ZNF385B: variants seen among roughly 807,000 people sequenced by gnomAD.
The protein encoded by ZNF385B is zinc finger protein 533.
A neutral mutation model predicts 39.2 loss-of-function variants in ZNF385B; 23 were observed. The ratio of observed to expected loss-of-function variants is 0.59; its 90% CI spans 0.42 to 0.83. The LOEUF (loss-of-function observed/expected upper bound fraction) is 0.83. Ranked by LOEUF, ZNF385B falls within the 40% of genes least tolerant of loss-of-function variation. ZNF385B has a pLI of 0.00. For synonymous variants in ZNF385B, 205 were observed against 222.6 expected, an observed-to-expected ratio of 0.92 and a Z score of 0.70; for missense variants, 552 against 598.9, an observed-to-expected ratio of 0.92 and a Z score of 0.82.
chr2:179,546,989 CA>C (rs1182108668), intron 3 of ZNF385B, among the ~76,000 whole-genome samples: 1 of 149,846 alleles, frequency 6.7e-6, no homozygotes, highest in Non-Finnish European at 1.5e-5. Context: ...AATGATTGAA[CA>C]CATTTTCATA....
chr2:179,533,373 T>A (rs2059374300), intron 4 of ZNF385B, among the ~76,000 whole-genome samples: 1 of 152,226 alleles, frequency 6.6e-6, no homozygotes, highest in African/African-American at 2.4e-5. Flanking sequence ...TATGAATATC[T>A]TAGTCTGTGT....
chr2:179,835,410 T>C (rs191349580), intron 1 of ZNF385B, among the ~76,000 whole-genome samples: 1 of 152,292 alleles, frequency 6.6e-6, no homozygotes, highest in Admixed American at 6.5e-5. Flanking sequence ...GTTCTGGCCT[T>C]AGAACTTTCT....
intron 3 of ZNF385B, among the ~76,000 whole-genome samples, chr2:179,578,504 G>C (rs1686100861): frequency 6.6e-6 from 1 of 152,052 alleles, no homozygotes; most frequent in Non-Finnish European, 1.5e-5. Flanking sequence ...GTCACTCTGA[G>C]ACTATGAGGC....
intron 1 of ZNF385B, among the ~76,000 whole-genome samples, chr2:179,830,855 G>T (rs1707944722): frequency 6.6e-6 from 1 of 151,984 alleles, no homozygotes; most frequent in Non-Finnish European, 1.5e-5. Flanking sequence ...TGCAAACAAG[G>T]GCCTTTAGTT....
chr2:179,725,033 TAA>T (rs901455429), intron 3 of ZNF385B, among the ~76,000 whole-genome samples: 1 of 152,086 alleles, frequency 6.6e-6, no homozygotes, highest in Non-Finnish European at 1.5e-5. Flanking sequence ...ATAATTCACA[TAA>T]AAAATAAGCA....
At chr2:179,824,020 T>C (rs1707545584) in intron 1 of ZNF385B, among the ~76,000 whole-genome samples, 1 of 152,134 alleles carries the variant, frequency 6.6e-6, no homozygotes, top group Non-Finnish European at 1.5e-5. Flanking sequence ...ACCAAGACTA[T>C]CTTCATACCT....
intron 4 of ZNF385B, 139 bp from the exon 5 acceptor site, chr2:179,518,777 C>A (rs571148419): frequency 4.1e-6 from 2 of 483,508 alleles, no homozygotes; most frequent in Admixed American, 4.1e-5. Context: ...TCTCCTTCAA[C>A]AGTAATATAT....
intron 3 of ZNF385B, among the ~76,000 whole-genome samples, chr2:179,672,524 C>T (rs1696161996): frequency 6.6e-6 from 1 of 152,114 alleles, no homozygotes; most frequent in South Asian, 2.1e-4. Context: ...AGGTAGAATG[C>T]TATGGTCTGA....
rs56392185 is a variant in ZNF385B at position 179,521,353 on chromosome 2, G to GTTTTTTTTTTTTTTTTTTTTTT, written c.442-2716_442-2715insAAAAAAAAAAAAAAAAAAAAAA. 9.2e-4 allele frequency among the ~76,000 whole-genome samples: 99 copies of GTTTTTTTTTTTTTTTTTTTTTT among 108,154 alleles called. 3 individuals carry two copies. The highest frequency in any genetic ancestry group is 0.012 in the Middle Eastern group (2 of 166). 71.0% of individuals were successfully genotyped at this position (108,154 alleles called of 152,430 possible). On this transcript the variant is annotated intron_variant, in intron 4 of 9. Transcript: ENST00000410066. ...AGGCACCCACCACCGCACCTGGCCA[G>GTTTTTTTTTTTTTTTTTTTTTT]TTTTTTTTTTTTTTTTTTGTATTTT...
chr2:179,667,954 T>A (rs1339699281), intron 3 of ZNF385B, among the ~76,000 whole-genome samples: 1 of 152,226 alleles, frequency 6.6e-6, no homozygotes, highest in Non-Finnish European at 1.5e-5. Flanking sequence ...TAAGTTGGCC[T>A]GAGTCTGTCT....
At chr2:179,481,593 C>T (rs1376885206) in intron 6 of ZNF385B, among the ~76,000 whole-genome samples, 2 of 152,176 alleles carry the variant, frequency 1.3e-5, no homozygotes, top group African/African-American at 4.8e-5. Context: ...TGAGTTCACT[C>T]AGTAGCAACG....
At chr2:179,860,719 T>C in intron 1 of ZNF385B, 2 of 411,478 alleles carry the variant, frequency 4.9e-6, no homozygotes, top group South Asian at 1.7e-5. Context: ...AACCCCAAAC[T>C]TCCAGCCCAG....
chr2:179,627,212 A>G (rs769328766), intron 3 of ZNF385B, among the ~76,000 whole-genome samples: 2 of 152,196 alleles, frequency 1.3e-5, no homozygotes, highest in Non-Finnish European at 1.5e-5. Flanking sequence ...CTAATTATAG[A>G]AATTCTGGGC....
intron 5 of ZNF385B, among the ~76,000 whole-genome samples, chr2:179,495,342 T>C (rs745681124): frequency 6.6e-6 from 1 of 152,186 alleles, no homozygotes. Context: ...CTCAATACAA[T>C]AGAACACCAG....
chr2:179,660,027 A>G (rs1694280819), intron 3 of ZNF385B: 1 of 152,632 alleles, frequency 6.6e-6, no homozygotes, highest in Admixed American at 6.5e-5. Flanking sequence ...AAATATGTAT[A>G]TCTCCTATCA....
intron 3 of ZNF385B, among the ~76,000 whole-genome samples, chr2:179,613,294 A>G (rs1237885645): frequency 6.6e-6 from 1 of 152,042 alleles, no homozygotes; most frequent in Non-Finnish European, 1.5e-5. Flanking sequence ...TCCTTTTCTC[A>G]AGCAGGAGTG....
At chr2:179,475,384 T>C (rs1183194769) in intron 6 of ZNF385B, among the ~76,000 whole-genome samples, 1 of 151,878 alleles carries the variant, frequency 6.6e-6, no homozygotes, top group Non-Finnish European at 1.5e-5. Context: ...CCTGAGTAGC[T>C]GGGACTACAG....
intron 4 of ZNF385B, among the ~76,000 whole-genome samples, chr2:179,542,956 G>A (rs2060011582): frequency 6.6e-6 from 1 of 152,088 alleles, no homozygotes; most frequent in African/African-American, 2.4e-5. Context: ...AAGTATTCAT[G>A]TATTATTTAT....
At chr2:179,448,269 T>C (rs1234358599) in intron 6 of ZNF385B, among the ~76,000 whole-genome samples, 1 of 152,120 alleles carries the variant, frequency 6.6e-6, no homozygotes, top group African/African-American at 2.4e-5. Flanking sequence ...TTAGATTGGA[T>C]AATATTTTAG....
Sources: gnomAD v4.1 joint callset for allele counts (sites outside exome capture counted in the v4.1 genomes callset) on GRCh38, gnomAD v4.1.1 for gene constraint, MANE v1.5 for transcripts, NCBI Gene and HGNC (gene_info 2026-07-23, HGNC 2026-07-21) for gene names.